GALNT10: variants seen among roughly 807,000 people sequenced by gnomAD.
GALNT10 encodes the protein GalNAc transferase 10.
In GALNT10, 41 loss-of-function variants were observed where a neutral mutation model predicts 75.0. That is an observed-to-expected ratio of 0.55 (90% CI 0.43 to 0.71). The LOEUF is 0.71. Ranked by LOEUF, GALNT10 falls within the 30% of genes least tolerant of loss-of-function variation. The pLI is 0.00. For synonymous variants in GALNT10, 302 were observed against 313.0 expected (o/e 0.96, Z 0.37); for missense variants, 727 against 818.5 (o/e 0.89, Z 1.36).
At chr5:154,411,370 T>C (rs1391682816) in intron 9 of GALNT10, among the ~76,000 whole-genome samples, 1 of 152,178 alleles carries the variant, frequency 6.6e-6, no homozygotes, top group Non-Finnish European at 1.5e-5. Context: ...GCAGAAAGTA[T>C]ATGCCTCTTT....
At chr5:154,362,189 G>C (rs181097479) in intron 4 of GALNT10, among the ~76,000 whole-genome samples, 33 of 152,356 alleles carry the variant, frequency 2.2e-4, no homozygotes, top group African/African-American at 7.9e-4. Flanking sequence ...TGGACACTGG[G>C]ATGTGTGCAT....
chr5:154,329,960 G>T (rs199601815), intron 4 of GALNT10: 4 of 42,536 alleles, frequency 9.4e-5, no homozygotes, highest in East Asian at 3.9e-4. Flanking sequence ...TGTATTAACT[G>T]CAAAAAAAAA....
At chr5:154,387,947 C>T (rs1755832956) in intron 7 of GALNT10, 1 of 148,112 alleles carries the variant, frequency 6.8e-6, no homozygotes, top group African/African-American at 2.5e-5. Flanking sequence ...CTCTGCTGCC[C>T]AGGCTGGAGT....
rs1774843586 is a variant in GALNT10 at position 154,190,791 on chromosome 5, G to GGGCGGACT, written c.-69_-68insTGGCGGAC. ...TGCTGGCTGAGCTGCTGCCGCCGCC[G>GGGCGGACT]GGCGGACGGGCGGACGCGCGGAGCT... On this transcript the variant is annotated 5_prime_UTR_variant, in exon 1 of 12. Coordinates refer to ENST00000297107, the MANE Select transcript of GALNT10 (RefSeq NM_198321.4). The GGGCGGACT allele has an allele frequency of 1.3e-6, 1 of 758,714 alleles. No homozygotes were observed. Among genetic ancestry groups the GGGCGGACT allele is most frequent in the East Asian group, 1.2e-4 (1 of 8,260 alleles). The allele number at this position is 758,714 out of a possible 1,614,324, so 47.0% of individuals were successfully genotyped here.
At chr5:154,279,278 G>T (rs1421339051) in intron 1 of GALNT10, among the ~76,000 whole-genome samples, 1 of 59,120 alleles carries the variant, frequency 1.7e-5, no homozygotes, top group African/African-American at 3.5e-5. Flanking sequence ...GCTAGTTTTT[G>T]TTGTTGTTGT....
At chr5:154,224,981 C>A (rs1753038849) in intron 1 of GALNT10, among the ~76,000 whole-genome samples, 1 of 151,884 alleles carries the variant, frequency 6.6e-6, no homozygotes, top group Non-Finnish European at 1.5e-5. Flanking sequence ...GGGCTTTCAC[C>A]ATTTTGGCCA....
intron 8 of GALNT10, among the ~76,000 whole-genome samples, chr5:154,405,859 T>C (rs1003546881): frequency 5.2e-5 from 7 of 133,392 alleles, no homozygotes; most frequent in African/African-American, 1.9e-4. Context: ...AAGTTTGTTG[T>C]TGTTGTTGTT....
At chr5:154,228,935 T>C (rs1278336392) in intron 1 of GALNT10, among the ~76,000 whole-genome samples, 1 of 152,246 alleles carries the variant, frequency 6.6e-6, no homozygotes, top group Non-Finnish European at 1.5e-5. Context: ...TGTCCATGCG[T>C]TTTAAAAATG....
intron 1 of GALNT10, chr5:154,218,204 G>A: frequency 5.9e-6 from 5 of 847,276 alleles, no homozygotes; most frequent in Non-Finnish European, 7.1e-6. Flanking sequence ...CCCACCTCAT[G>A]GGTCCCTCTC....
chr5:154,252,077 T>A (rs965320386), intron 1 of GALNT10, among the ~76,000 whole-genome samples: 6 of 152,138 alleles, frequency 3.9e-5, no homozygotes, highest in Non-Finnish European at 8.8e-5. Flanking sequence ...GTCTTACCCA[T>A]GTTATACACA....
rs138251074 is a variant in GALNT10 at position 154,194,187 on chromosome 5, T to C, written c.159+3162T>C. On this transcript the variant is annotated intron_variant, in intron 1 of 11. Coordinates refer to ENST00000297107, the MANE Select transcript of GALNT10 (RefSeq NM_198321.4). ...CACTGGATAAATAGCATATGTGGAA[T>C]AGAAATTGGTGGAATAATGGAATAC... 6.8e-4 allele frequency among the ~76,000 whole-genome samples: 103 copies of C among 152,344 alleles called. No individual in the cohort carries two copies. The East Asian group carries it at 0.015, about 22-fold the overall frequency.
At chr5:154,335,244 T>C (rs1026267710) in intron 4 of GALNT10, among the ~76,000 whole-genome samples, 9 of 152,210 alleles carry the variant, frequency 5.9e-5, no homozygotes, top group Non-Finnish European at 1.3e-4. Context: ...ATGACATGAC[T>C]CTGTGCCACA....
chr5:154,386,624 G>C, intron 7 of GALNT10, 194 bp downstream of exon 7: 1 of 621,692 alleles, frequency 1.6e-6, no homozygotes, highest in Non-Finnish European at 2.8e-6. Context: ...TGGGAGGGAA[G>C]GGGAGTACTC....
intron 6 of GALNT10, among the ~76,000 whole-genome samples, chr5:154,384,512 C>T (rs555967032): frequency 2.0e-5 from 3 of 152,184 alleles, no homozygotes; most frequent in Non-Finnish European, 4.4e-5. Context: ...GTGTGTATCT[C>T]ACACTCACAG....
At position 154,270,688 on chromosome 5, in the gene GALNT10, G is replaced by T. The variant is rs1753847774; in HGVS notation, c.160-24128G>T. On this transcript the variant is annotated intron_variant, in intron 1 of 11. Coordinates refer to ENST00000297107, the MANE Select transcript of GALNT10 (RefSeq NM_198321.4). ...CCTGGTCATTACACACCATGTTCAGGGTCACTTGTGAAATTGGAACTCCTG... is the reference window on the plus strand; with the variant it reads ...CCTGGTCATTACACACCATGTTCAGTGTCACTTGTGAAATTGGAACTCCTG... Among the ~76,000 whole-genome samples, 4 of 152,026 alleles carry T rather than the reference G, an allele frequency of 2.6e-5. No homozygotes were observed. In the South Asian group the frequency reaches 8.3e-4, roughly 32 times the overall value.
intron 3 of GALNT10, among the ~76,000 whole-genome samples, chr5:154,308,025 A>G (rs1754460813): frequency 7.0e-6 from 1 of 141,906 alleles, no homozygotes; most frequent in African/African-American, 2.6e-5. Context: ...CAAAGAATAA[A>G]GATCTCTATT....
At position 154,302,622 on chromosome 5, in the gene GALNT10, C is replaced by G. The variant is rs536970010; in HGVS notation, c.401+4543C>G. ...CAGTTTCTCCTATGCAAAGATTATC[C>G]ATGGATATCCAGGATATCCAGAGAT... On this transcript the variant is annotated intron_variant, in intron 3 of 11. Coordinates refer to ENST00000297107, the MANE Select transcript of GALNT10 (RefSeq NM_198321.4). Among the ~76,000 whole-genome samples the G allele has an allele frequency of 3.3e-5, 5 of 152,280 alleles. No homozygotes were observed. In the South Asian group the frequency reaches 1.0e-3, roughly 32 times the overall value.
intron 1 of GALNT10, among the ~76,000 whole-genome samples, chr5:154,270,459 G>A (rs1753845072): frequency 6.6e-6 from 1 of 151,938 alleles, no homozygotes; most frequent in African/African-American, 2.4e-5. Flanking sequence ...AACAATAAGA[G>A]GCAAATGGAG....
At chr5:154,273,359 A>G (rs1260116115) in intron 1 of GALNT10, among the ~76,000 whole-genome samples, 2 of 152,230 alleles carry the variant, frequency 1.3e-5, no homozygotes, top group East Asian at 1.9e-4. Flanking sequence ...ATAAAGTCAC[A>G]TGAAAAAGAC....
Sources: allele counts gnomAD v4.1 joint callset (sites outside exome capture counted in the v4.1 genomes callset), GRCh38; gene constraint gnomAD v4.1.1; transcripts MANE v1.5; gene names NCBI Gene and HGNC (gene_info 2026-07-23, HGNC 2026-07-21).